CLASP1: variants seen among roughly 807,000 people sequenced by gnomAD.
CLASP1 encodes the protein cytoplasmic linker associated protein 1.
In CLASP1, 38 loss-of-function variants were observed where a neutral mutation model predicts 192.3. The observed-to-expected ratio is 0.20, with a 90% CI of 0.15 to 0.26. The LOEUF (loss-of-function observed/expected upper bound fraction) is 0.26, where lower values mean the gene tolerates loss of function less well. CLASP1 is among the 10% of genes least tolerant of loss of function. CLASP1 has a pLI of 1.00. For missense variants in CLASP1, 1,433 were observed against 1,932.5 expected, an observed-to-expected ratio of 0.74 and a Z score of 4.85; for synonymous variants, 691 against 712.8, an observed-to-expected ratio of 0.97 and a Z score of 0.49.
chr2:121,520,804 C>T (rs1357532723), intron 6 of CLASP1, among the ~76,000 whole-genome samples: 3 of 152,202 alleles, frequency 2.0e-5, no homozygotes, highest in Non-Finnish European at 2.9e-5. Flanking sequence ...AGCCACTGCC[C>T]TGTCCTCATC....
At chr2:121,531,032 A>G (rs914995864) in intron 2 of CLASP1, 9 of 699,900 alleles carry the variant, frequency 1.3e-5, no homozygotes, top group Admixed American at 4.0e-5. Context: ...TCATAGACTT[A>G]TCAGTTCAAA....
chr2:121,341,348 A>T (rs1341940649), intron 39 of CLASP1, among the ~76,000 whole-genome samples: 2 of 152,114 alleles, frequency 1.3e-5, no homozygotes, highest in Non-Finnish European at 2.9e-5. Context: ...CACAGGGGGG[A>T]AGTGGCTGGG....
intron 2 of CLASP1, 52 bp downstream of exon 2, chr2:121,605,649 C>T: frequency 7.1e-7 from 1 of 1,411,006 alleles, no homozygotes; most frequent in South Asian, 1.2e-5. Flanking sequence ...CAATTTTGAT[C>T]TACCAGTGCA....
chr2:121,487,442 T>G (rs1174777093), intron 8 of CLASP1, among the ~76,000 whole-genome samples: 1 of 152,246 alleles, frequency 6.6e-6, no homozygotes, highest in African/African-American at 2.4e-5. Flanking sequence ...CCCCAGCGTA[T>G]TCAGCATTCC....
chr2:121,347,858 A>G (rs970306782), intron 38 of CLASP1, among the ~76,000 whole-genome samples: 1 of 152,140 alleles, frequency 6.6e-6, no homozygotes, highest in Non-Finnish European at 1.5e-5. Flanking sequence ...ATTAAATGTG[A>G]TGCTAACTCC....
chr2:121,353,006 A>C (rs1364425165), intron 37 of CLASP1, among the ~76,000 whole-genome samples: 1 of 152,168 alleles, frequency 6.6e-6, no homozygotes, highest in Non-Finnish European at 1.5e-5. Context: ...ACAAGATGTA[A>C]ACCAGCTTGG....
intron 3 of CLASP1, among the ~76,000 whole-genome samples, 187 bp from the exon 4 acceptor site, chr2:121,528,967 G>T (rs1270078857): frequency 6.6e-6 from 1 of 152,156 alleles, no homozygotes; most frequent in Non-Finnish European, 1.5e-5. Context: ...CACCAAAAGA[G>T]TCTGCAAAAT....
chr2:121,391,914 A>G (rs2074420543), intron 30 of CLASP1, among the ~76,000 whole-genome samples: 1 of 152,162 alleles, frequency 6.6e-6, no homozygotes, highest in South Asian at 2.1e-4. Context: ...CAACAACAAA[A>G]AAGACTTGAA....
intron 19 of CLASP1, among the ~76,000 whole-genome samples, chr2:121,437,998 T>C (rs1006485526): frequency 6.6e-6 from 1 of 152,246 alleles, no homozygotes; most frequent in African/African-American, 2.4e-5. Context: ...TTAAACACTT[T>C]AGTTATTTTA....
At chr2:121,538,852 C>T (rs1395786314) in intron 2 of CLASP1, among the ~76,000 whole-genome samples, 1 of 150,838 alleles carries the variant, frequency 6.6e-6, no homozygotes, top group Non-Finnish European at 1.5e-5. Flanking sequence ...TAATACAAAG[C>T]CAATATATAT....
intron 30 of CLASP1, among the ~76,000 whole-genome samples, chr2:121,391,412 CA>C (rs1338838405): frequency 6.6e-6 from 1 of 152,168 alleles, no homozygotes; most frequent in Non-Finnish European, 1.5e-5. Context: ...CTAAACATGG[CA>C]ATCTGTTAGC....
chr2:121,537,087 A>G (rs914828186), intron 2 of CLASP1, among the ~76,000 whole-genome samples: 6 of 152,188 alleles, frequency 3.9e-5, no homozygotes, highest in Admixed American at 3.3e-4. Flanking sequence ...CCACTGAATT[A>G]TACACCTTTA....
At chr2:121,369,706 T>C (rs1004565223) in intron 34 of CLASP1, among the ~76,000 whole-genome samples, 6 of 152,228 alleles carry the variant, frequency 3.9e-5, no homozygotes, top group Non-Finnish European at 1.5e-5. Context: ...ATGAAGTTTT[T>C]GTAACCACCA....
chr2:121,470,293 CTTT>C (rs70954550), intron 8 of CLASP1: 1,334 of 306,058 alleles, frequency 4.4e-3, no homozygotes, highest in Non-Finnish European at 5.1e-3. Flanking sequence ...ACCATCCATG[CTTT>C]TTTTTTTTTT....
At chr2:121,584,063 G>T (rs959854118) in intron 2 of CLASP1, among the ~76,000 whole-genome samples, 2 of 152,002 alleles carry the variant, frequency 1.3e-5, no homozygotes, top group African/African-American at 2.4e-5. Context: ...CAACCTACCA[G>T]CACCTTGACC....
At chr2:121,602,697 C>T (rs2063932944) in intron 2 of CLASP1, among the ~76,000 whole-genome samples, 1 of 152,104 alleles carries the variant, frequency 6.6e-6, no homozygotes, top group Non-Finnish European at 1.5e-5. Flanking sequence ...GCCAAGAACA[C>T]TCATTGGGGA....
At chr2:121,498,343 G>A (rs1158376572) in intron 8 of CLASP1, among the ~76,000 whole-genome samples, 2 of 151,616 alleles carry the variant, frequency 1.3e-5, no homozygotes, top group Non-Finnish European at 2.9e-5. Context: ...CCCCAGCTGG[G>A]ACTACAGGGG....
chr2:121,622,244 A>G (rs919190666), intron 1 of CLASP1, among the ~76,000 whole-genome samples: 4 of 151,988 alleles, frequency 2.6e-5, no homozygotes, highest in South Asian at 4.2e-4. Flanking sequence ...CTTTCCATTT[A>G]TTTAGATCTT....
At chr2:121,515,806 C>G (rs1559490081) in intron 6 of CLASP1, 44 bp from the exon 7 acceptor site, 16 of 1,542,046 alleles carry the variant, frequency 1.0e-5, no homozygotes, top group Non-Finnish European at 1.3e-5. Context: ...TGTGTCATCC[C>G]CCAGCAAGTC....
Sources: allele counts gnomAD v4.1 joint callset (sites outside exome capture counted in the v4.1 genomes callset), GRCh38; gene constraint gnomAD v4.1.1; transcripts MANE v1.5; gene names NCBI Gene and HGNC (gene_info 2026-07-23, HGNC 2026-07-21).